The following BMP5 variants were observed in gnomAD, a reference collection of about 807,000 sequenced individuals.
BMP5 encodes the protein bone morphogenetic protein 5.
Under a neutral mutation model 46.6 loss-of-function variants are expected in BMP5, and 23 were observed. That is an observed-to-expected ratio of 0.49 (90% CI 0.35 to 0.70). The LOEUF (loss-of-function observed/expected upper bound fraction) is 0.70. BMP5 is among the 30% of genes least tolerant of loss of function. The probability of loss-of-function intolerance (pLI) is 0.00; values close to 1 mark genes in which losing one functional copy is unlikely to be tolerated. For missense variants in BMP5, 545 were observed against 565.6 expected, an observed-to-expected ratio of 0.96 and a Z score of 0.37; for synonymous variants, 204 against 191.9, an observed-to-expected ratio of 1.06 and a Z score of -0.52.
chr6:55,763,346 T>C (rs940887571), intron 4 of BMP5, among the ~76,000 whole-genome samples: 5 of 152,144 alleles, frequency 3.3e-5, no homozygotes, highest in African/African-American at 7.2e-5. Context: ...GTGATGTATA[T>C]AATGTAACAT....
chr6:55,817,705 C>T (rs1013678583), intron 2 of BMP5, among the ~76,000 whole-genome samples: 4 of 151,720 alleles, frequency 2.6e-5, no homozygotes, highest in African/African-American at 4.8e-5. Context: ...ACATATGTAA[C>T]GAACCTGCAC....
At chr6:55,817,566 C>T (rs553624715) in intron 2 of BMP5, among the ~76,000 whole-genome samples, 2 of 150,864 alleles carry the variant, frequency 1.3e-5, no homozygotes, top group South Asian at 2.1e-4. Context: ...CACATGGACA[C>T]AGGAAGGGGA....
At chr6:55,827,553 AT>A (rs891434291) in intron 1 of BMP5, among the ~76,000 whole-genome samples, 4 of 151,726 alleles carry the variant, frequency 2.6e-5, no homozygotes, top group South Asian at 4.2e-4. Context: ...GTTCTTACAA[AT>A]TTTTTTTAAG....
rs184688249 is a variant in BMP5 at position 55,874,474 on chromosome 6, C to T, written c.392G>A (p.Arg131Gln). 1.9e-5 allele frequency: 30 copies of T among 1,613,236 alleles called. No individual in the cohort carries two copies. In the Admixed American group the frequency reaches 2.0e-4, roughly 11 times the overall value. ...NGYPRRIQLS[R>Q]TTPLTTQSPP... is the part of the protein sequence containing the mutation. ...ACTCTGGGTGGTCAGAGGAGTCGTC[C>T]GAGATAACTGTATGCGACGAGGATA... The change falls in exon 1 of 7, where the codon CGG (arginine) becomes CAG (glutamine). Residue 131 changes from arginine to glutamine, a missense_variant. Coordinates refer to ENST00000370830, the MANE Select transcript of BMP5 (RefSeq NM_021073.4).
intron 2 of BMP5, 76 bp from the exon 3 acceptor site, chr6:55,794,503 A>T: frequency 6.9e-7 from 1 of 1,443,102 alleles, no homozygotes; most frequent in Non-Finnish European, 9.7e-7. Flanking sequence ...AAGTGAAAAC[A>T]TTACAAAAGC....
chr6:55,793,505 C>T (rs1775622908), intron 3 of BMP5, among the ~76,000 whole-genome samples: 1 of 152,186 alleles, frequency 6.6e-6, no homozygotes, highest in Non-Finnish European at 1.5e-5. Flanking sequence ...TCTTTTGGCT[C>T]CATCCCAGGT....
chr6:55,775,071 A>G (rs779077230), intron 3 of BMP5, among the ~76,000 whole-genome samples: 3 of 152,072 alleles, frequency 2.0e-5, no homozygotes, highest in Admixed American at 6.6e-5. Context: ...CCTATAAACT[A>G]GCCTGTGTCT....
chr6:55,794,530 G>A, intron 2 of BMP5, 103 bp from the exon 3 acceptor site: 1 of 1,134,738 alleles, frequency 8.8e-7, no homozygotes, highest in South Asian at 1.3e-5. Flanking sequence ...TAAAATAACA[G>A]CAGTTAGTTA....
At chr6:55,761,497 C>T (rs2127516155) in intron 4 of BMP5, among the ~76,000 whole-genome samples, 1 of 152,068 alleles carries the variant, frequency 6.6e-6, no homozygotes, top group Middle Eastern at 3.4e-3. Flanking sequence ...ACCCCTCTGA[C>T]TCTCACTTCT....
At chr6:55,770,879 A>T (rs1775032661) in intron 4 of BMP5, among the ~76,000 whole-genome samples, 1 of 152,026 alleles carries the variant, frequency 6.6e-6, no homozygotes, top group Admixed American at 6.6e-5. Context: ...CACACACAAC[A>T]TTTACTTCCC....
At chr6:55,759,139 ACACAC>A (rs1774691436) in intron 5 of BMP5, 24 bp from the exon 6 acceptor site, 10 of 344,374 alleles carry the variant, frequency 2.9e-5, no homozygotes, top group South Asian at 1.1e-4. Context: ...ACACACACAC[ACACAC>A]AAAAAAAAAA....
At position 55,797,778 on chromosome 6, in the gene BMP5, G is replaced by A. The variant is rs145583371; in HGVS notation, c.684-3351C>T. 5.1e-3 allele frequency among the ~76,000 whole-genome samples: 774 copies of A among 151,798 alleles called. 2 individuals carry two copies. Among genetic ancestry groups the A allele is most frequent in the African/African-American group, 0.018 (730 of 41,446 alleles). On this transcript the variant is annotated intron_variant, in intron 2 of 6. Transcript: ENST00000370830. The stretch of plus-strand genomic sequence containing the variant: ...ACTACAGGCGCCTGCCACCACGCCC[G>A]GCTAATTTTTTATATTTTTAGTAGA...
At chr6:55,838,124 A>G (rs1239626777) in intron 1 of BMP5, among the ~76,000 whole-genome samples, 1 of 152,220 alleles carries the variant, frequency 6.6e-6, no homozygotes, top group Non-Finnish European at 1.5e-5. Flanking sequence ...CAAACACAGG[A>G]GTGCAGTTAT....
chr6:55,812,332 A>G (rs1776155387), intron 2 of BMP5, among the ~76,000 whole-genome samples: 1 of 152,208 alleles, frequency 6.6e-6, no homozygotes, highest in Admixed American at 6.5e-5. Flanking sequence ...AATAAAATAT[A>G]TAATTTTAAG....
At chr6:55,832,696 A>G (rs950420339) in intron 1 of BMP5, among the ~76,000 whole-genome samples, 48 of 152,296 alleles carry the variant, frequency 3.2e-4, no homozygotes, top group African/African-American at 1.2e-3. Context: ...AATGCCTCCT[A>G]TTAAACGTGC....
At chr6:55,797,072 A>C (rs1775732767) in intron 2 of BMP5, among the ~76,000 whole-genome samples, 1 of 152,192 alleles carries the variant, frequency 6.6e-6, no homozygotes, top group African/African-American at 2.4e-5. Context: ...ACCTATAGAC[A>C]ACAGAATATG....
intron 2 of BMP5, among the ~76,000 whole-genome samples, chr6:55,815,312 C>T (rs928768991): frequency 2.6e-5 from 4 of 152,032 alleles, no homozygotes; most frequent in Non-Finnish European, 4.4e-5. Context: ...AGTAACACTA[C>T]TCAATAGCAG....
At chr6:55,805,244 A>G (rs1423426944) in intron 2 of BMP5, among the ~76,000 whole-genome samples, 1 of 152,126 alleles carries the variant, frequency 6.6e-6, no homozygotes, top group Non-Finnish European at 1.5e-5. Flanking sequence ...TATTTATTTA[A>G]TTATTTTACT....
chr6:55,829,363 T>C (rs909618919), intron 1 of BMP5, among the ~76,000 whole-genome samples: 1 of 151,852 alleles, frequency 6.6e-6, no homozygotes, highest in Admixed American at 6.6e-5. Context: ...TTTCAGATTT[T>C]TTTTTATTGT....
Sources: gnomAD v4.1 joint callset for allele counts (sites outside exome capture counted in the v4.1 genomes callset) on GRCh38, gnomAD v4.1.1 for gene constraint, MANE v1.5 for transcripts, NCBI Gene and HGNC (gene_info 2026-07-23, HGNC 2026-07-21) for gene names.